TRIM47: variants seen among roughly 807,000 people sequenced by gnomAD.
TRIM47 encodes tripartite motif containing 47.
TRIM47 carries 46 observed loss-of-function variants against 54.4 expected under a neutral mutation model. That is an observed-to-expected ratio of 0.84 (90% CI 0.67 to 1.08). The LOEUF (loss-of-function observed/expected upper bound fraction) is 1.08, where lower values mean the gene tolerates loss of function less well. TRIM47 is among the 50% of genes least tolerant of loss of function. TRIM47 has a pLI of 0.00. For missense variants in TRIM47, 825 were observed against 910.1 expected (o/e 0.91, Z 1.20); for synonymous variants, 392 against 410.2 (o/e 0.96, Z 0.54).
chr17:75,876,536 G>A (rs772641890), intron 2 of TRIM47, 44 bp from the exon 3 acceptor site: 21 of 1,532,132 alleles, frequency 1.4e-5, no homozygotes, highest in African/African-American at 8.2e-5. Flanking sequence ...GCAAAGAACC[G>A]TCCCGGACTG....
chr17:75,874,898 T>C lies in TRIM47; in HGVS notation c.1502A>G (p.Asp501Gly), dbSNP rs751473658. 3 of 1,613,920 alleles carry C rather than the reference T, an allele frequency of 1.9e-6. No individual in the cohort carries two copies. Among genetic ancestry groups the C allele is most frequent in the East Asian group, 4.5e-5 (2 of 44,868 alleles). ...GWVSMGVMAE[D>G]FSPQEPYDRG... The stretch of plus-strand genomic sequence containing the variant: ...GTCGTAGGGCTCTTGTGGGGAGAAG[T>C]CTTCGGCCATGACCCCCATGCTGAC... Residue 501 changes from aspartate to glycine, a missense_variant, in exon 6 of 6, where the codon GAC becomes GGC. Coordinates refer to ENST00000254816, the MANE Select transcript of TRIM47 (RefSeq NM_033452.3). The surrounding 1 kb of genome is among the most constrained non-coding windows in gnomAD (Gnocchi z 6.2).
chr17:75,876,469 C>T lies in TRIM47; in HGVS notation c.795G>A (p.Glu265=), dbSNP rs139600597. 1.2e-6 allele frequency: 2 copies of T among 1,608,480 alleles called. No homozygotes were observed. Among genetic ancestry groups the T allele is most frequent in the Non-Finnish European group, 1.7e-6 (2 of 1,179,196 alleles). The change falls in exon 3 of 6, where the codon GAG becomes GAA. Residue 265 remains glutamate, a synonymous_variant. Transcript: ENST00000254816. The stretch of plus-strand genomic sequence containing the variant: ...CATCTGCAAACAGCCGGCTCACCCT[C>T]TCCCGCTCTGCTACGGCTGCACTCT... ...LIKSAAVAER[E]RVSRLFADAA... is the part of the protein sequence containing the mutation.
intron 3 of TRIM47, 47 bp from the exon 4 acceptor site, chr17:75,876,146 C>T: frequency 6.3e-7 from 1 of 1,587,104 alleles, no homozygotes; most frequent in Non-Finnish European, 8.5e-7. Context: ...CATGGCTCCT[C>T]CTTGCTGGGG....
In TRIM47 at chr17:75,877,965, G is replaced by A. The variant is rs1376504782; in HGVS notation, c.584C>T (p.Ala195Val). The change falls in exon 1 of 6, where the codon GCG becomes GTG. Residue 195 changes from alanine (A) to valine (V), a missense_variant. Physicochemically the swap from Ala to Val is moderately conservative, Grantham distance 64. Transcript: ENST00000254816. ...GGCCTCGCACAGACACACGCGCTCCGCGCGGCAGTAGCGCTCGAGCGGCCG... is the reference window on the plus strand; with the variant it reads ...GGCCTCGCACAGACACACGCGCTCCACGCGGCAGTAGCGCTCGAGCGGCCG... The part of the protein sequence containing the change: ...HLRPLERYCR[A>V]ERVCLCEACA... The A allele has an allele frequency of 5.5e-6, 8 of 1,457,758 alleles. No individual in the cohort carries two copies. The highest frequency in any genetic ancestry group is 1.5e-5 in the African/African-American group (1 of 67,916). The allele number at this position is 1,457,758 out of a possible 1,614,324, so 90.3% of individuals were successfully genotyped here.
rs2065148708 is a variant in TRIM47, at chr17:75,878,362, C to G, written c.187G>C (p.Asp63His). The G allele has an allele frequency of 7.3e-7, 1 of 1,362,044 alleles. No individual in the cohort carries two copies. Among genetic ancestry groups the G allele is most frequent in the Admixed American group, 3.2e-5 (1 of 31,738 alleles). 84.4% of individuals were successfully genotyped at this position (1,362,044 alleles called of 1,614,324 possible). A position where few individuals can be genotyped will look rare whatever the true frequency, so the allele number is the denominator to read the frequency against. ...TGGTTCTTGCGGAGCTGAAGGCCGTCGGGGAAGGGCTCCTGGCACAGCGGG... is the reference window on the plus strand; with the variant it reads ...TGGTTCTTGCGGAGCTGAAGGCCGTGGGGGAAGGGCTCCTGGCACAGCGGG... ...RCPLCQEPFP[D>H]GLQLRKNHTL... Residue 63 changes from aspartate to histidine, a missense_variant, in exon 1 of 6, where the codon GAC becomes CAC. Transcript: ENST00000254816.
In TRIM47 at chr17:75,878,543, G is replaced by C. The variant is rs1189441049; in HGVS notation, c.6C>G (p.Asp2Glu). 3.9e-6 allele frequency: 5 copies of C among 1,286,082 alleles called. No individual in the cohort carries two copies. The highest frequency in any genetic ancestry group is 5.9e-4 in the Middle Eastern group (2 of 3,374). The allele number at this position is 1,286,082 out of a possible 1,614,324, so 79.7% of individuals were successfully genotyped here. The change falls in exon 1 of 6, where the codon GAC (aspartate) becomes GAG (glutamate). Residue 2 changes from aspartate (D) to glutamate (E), a missense_variant. Asp to Glu is a conservative substitution (Grantham distance 45). Coordinates refer to ENST00000254816, the MANE Select transcript of TRIM47 (RefSeq NM_033452.3). ...TGGGGCAGCTGAAGGGTCCACTGCC[G>C]TCCATGACTCCGCGGCCGCCCAGGG... M[D>E]GSGPFSCPIC...
chr17:75,876,000 C>T lies in TRIM47; in HGVS notation c.1102G>A (p.Ala368Thr). ...GCCACGGCCAGCATGTCTCTCACTG[C>T]ACGGACAGCTTGGGATGATTTGGTG... Reference protein sequence around the residue: ...SFTKSSQAVRAVRDMLAVACV... With the variant: ...SFTKSSQAVRTVRDMLAVACV... The change falls in exon 4 of 6, where the codon GCA (alanine) becomes ACA (threonine). Residue 368 changes from alanine to threonine, a missense_variant. Ala to Thr is a moderately conservative substitution (Grantham distance 58). Coordinates refer to ENST00000254816, the MANE Select transcript of TRIM47 (RefSeq NM_033452.3). The surrounding 1 kb of genome is among the most constrained non-coding windows in gnomAD (Gnocchi z 6.1). 1 of 1,606,576 alleles carries T rather than the reference C, an allele frequency of 6.2e-7. No homozygotes were observed. Among genetic ancestry groups the T allele is most frequent in the Non-Finnish European group, 8.5e-7 (1 of 1,179,990 alleles).
In TRIM47 at chr17:75,875,516, C is replaced by T; in HGVS notation, c.1202-42G>A. ...AGTGGTGAGAACGCCCCCAGACTGC[C>T]CCCCTCTGAACCTGTGACTACAATC... On this transcript the variant is annotated intron_variant, in intron 4 of 5. Coordinates refer to ENST00000254816, the MANE Select transcript of TRIM47 (RefSeq NM_033452.3). This position sits in a 1 kb window ranked among gnomAD's most constrained non-coding sequence, Gnocchi z 6.1. 3 of 1,568,024 alleles carry T rather than the reference C, an allele frequency of 1.9e-6. No individual in the cohort carries two copies. The highest frequency in any genetic ancestry group is 2.6e-6 in the Non-Finnish European group (3 of 1,138,928).
chr17:75,878,231 G>C lies in TRIM47; in HGVS notation c.318C>G (p.Pro106=). 8.1e-7 allele frequency: 1 copy of C among 1,233,746 alleles called. No homozygotes were observed. The highest frequency in any genetic ancestry group is 1.0e-6 in the Non-Finnish European group (1 of 988,668). The allele number at this position is 1,233,746 out of a possible 1,614,324, so 76.4% of individuals were successfully genotyped here. Residue 106 remains proline (P), a synonymous_variant, in exon 1 of 6, where the codon CCC becomes CCG. Coordinates refer to ENST00000254816, the MANE Select transcript of TRIM47 (RefSeq NM_033452.3). ...AGGGGGCCGACGGCTCCGGGACACTGGGCAGCGCGCTGGGTGCCGAGGGCT... is the reference window on the plus strand; with the variant it reads ...AGGGGGCCGACGGCTCCGGGACACTCGGCAGCGCGCTGGGTGCCGAGGGCT... The part of the protein sequence containing the change: ...APEPSAPSAL[P]SVPEPSAPCA...
chr17:75,876,137 A>G (rs757102665), intron 3 of TRIM47, 38 bp from the exon 4 acceptor site: 2 of 1,590,186 alleles, frequency 1.3e-6, no homozygotes, highest in East Asian at 4.5e-5. Flanking sequence ...GCTGCTGGCC[A>G]TGGCTCCTCC....
Position 75,877,902 on chromosome 17 carries a change from G to C in TRIM47, c.647C>G (p.Pro216Arg), listed in dbSNP as rs898795847. The change falls in exon 1 of 6, where the codon CCG (proline) becomes CGG (arginine). Residue 216 changes from proline to arginine, a missense_variant. Physicochemically the swap from Pro to Arg is moderately radical, Grantham distance 103. Coordinates refer to ENST00000254816, the MANE Select transcript of TRIM47 (RefSeq NM_033452.3). ...CTGAAGCGCGCGCTCCTGCTCCAGC[G>C]GCACCAGCTCGTGGCCGCGGTGCTC... is the stretch of plus-strand genomic sequence containing the variant. ...AQEHRGHELV[P>R]LEQERALQEA... 1.4e-6 allele frequency: 2 copies of C among 1,417,944 alleles called. No individual in the cohort carries two copies. The highest frequency in any genetic ancestry group is 1.8e-6 in the Non-Finnish European group (2 of 1,088,706). The allele number at this position is 1,417,944 out of a possible 1,614,324, so 87.8% of individuals were successfully genotyped here. A position where few individuals can be genotyped will look rare whatever the true frequency, so the allele number is the denominator to read the frequency against.
rs2065132003 is a variant in TRIM47 at position 75,876,081 on chromosome 17, G to A, written c.1021C>T (p.Leu341=). Residue 341 remains leucine, a synonymous_variant, in exon 4 of 6, where the codon CTG becomes TTG. Transcript: ENST00000254816. ...SFLQELLALR[L]ALEDGCGPGP... Reference sequence around the variant, plus strand: ...GGGCCACACCCATCCTCCAGGGCCAGCCTTAGTGCCAGCAGCTCCTGTGCC... The same window carrying A: ...GGGCCACACCCATCCTCCAGGGCCAACCTTAGTGCCAGCAGCTCCTGTGCC... The A allele has an allele frequency of 6.2e-7, 1 of 1,601,064 alleles. No individual in the cohort carries two copies. Among genetic ancestry groups the A allele is most frequent in the Admixed American group, 1.7e-5 (1 of 60,010 alleles).
chr17:75,877,790 G>A, intron 1 of TRIM47, 84 bp downstream of exon 1: 1 of 1,270,000 alleles, frequency 7.9e-7, no homozygotes, highest in South Asian at 2.6e-5. Flanking sequence ...AACCCGGGAA[G>A]ACTGGGGGGT....
chr17:75,876,193 G>A (rs2065132691), intron 3 of TRIM47, 69 bp downstream of exon 3: 1 of 1,564,246 alleles, frequency 6.4e-7, no homozygotes, highest in African/African-American at 1.3e-5. Context: ...TGCACCCACT[G>A]CCTCCTCCTC....
rs777374029 is a variant in TRIM47 at position 75,874,658 on chromosome 17, C to T, written c.1742G>A (p.Arg581His). Reference protein sequence around the residue: ...LLRRLKASRPRRGGIPASPID... With the variant: ...LLRRLKASRPHRGGIPASPID... The stretch of plus-strand genomic sequence containing the variant: ...GGGGGAGGCCGGGATGCCACCCCGG[C>T]GGGGCCGGGAGGCCTTCAGCCTCCG... Residue 581 changes from arginine (R) to histidine (H), a missense_variant, in exon 6 of 6, where the codon CGC becomes CAC. Transcript: ENST00000254816. This position sits in a 1 kb window ranked among gnomAD's most constrained non-coding sequence, Gnocchi z 6.2. 4.9e-5 allele frequency: 78 copies of T among 1,593,700 alleles called. No homozygotes were observed. Among genetic ancestry groups the T allele is most frequent in the Admixed American group, 1.8e-4 (10 of 56,990 alleles).
At position 75,874,876 on chromosome 17, in the gene TRIM47, G is replaced by A. The variant is rs764817346; in HGVS notation, c.1524C>T (p.Tyr508=). The A allele has an allele frequency of 1.4e-5, 23 of 1,614,030 alleles. No homozygotes were observed. The highest frequency in any genetic ancestry group is 8.8e-5 in the South Asian group (8 of 91,088). ...CGTTGCGGCCCAGCCGGCCGCGGTCGTAGGGCTCTTGTGGGGAGAAGTCTT... is the reference window on the plus strand; with the variant it reads ...CGTTGCGGCCCAGCCGGCCGCGGTCATAGGGCTCTTGTGGGGAGAAGTCTT... ...MAEDFSPQEP[Y]DRGRLGRNAH... Residue 508 remains tyrosine (Y), a synonymous_variant, in exon 6 of 6, where the codon TAC becomes TAT. Coordinates refer to ENST00000254816, the MANE Select transcript of TRIM47 (RefSeq NM_033452.3). This position sits in a 1 kb window ranked among gnomAD's most constrained non-coding sequence, Gnocchi z 6.2.
Position 75,878,349 on chromosome 17 carries a change from A to G in TRIM47, c.200T>C (p.Leu67Pro). Residue 67 changes from leucine (L) to proline (P), a missense_variant, in exon 1 of 6, where the codon CTC becomes CCC. Leu to Pro is a moderately conservative substitution (Grantham distance 98). Transcript: ENST00000254816. Reference sequence around the variant, plus strand: ...CTCGGACAGCGTGTGGTTCTTGCGGAGCTGAAGGCCGTCGGGGAAGGGCTC... The same window carrying G: ...CTCGGACAGCGTGTGGTTCTTGCGGGGCTGAAGGCCGTCGGGGAAGGGCTC... ...CQEPFPDGLQLRKNHTLSELL... is the reference protein window; with the variant it reads ...CQEPFPDGLQPRKNHTLSELL... 7.4e-7 allele frequency: 1 copy of G among 1,345,332 alleles called. No individual in the cohort carries two copies. The highest frequency in any genetic ancestry group is 9.6e-7 in the Non-Finnish European group (1 of 1,041,982). 83.3% of individuals were successfully genotyped at this position (1,345,332 alleles called of 1,614,324 possible).
chr17:75,878,423 C>A lies in TRIM47; in HGVS notation c.126G>T (p.Ala42=). 6 of 1,430,210 alleles carry A rather than the reference C, an allele frequency of 4.2e-6. No homozygotes were observed. Among genetic ancestry groups the A allele is most frequent in the Non-Finnish European group, 4.6e-6 (5 of 1,083,310 alleles). The allele number at this position is 1,430,210 out of a possible 1,614,324, so 88.6% of individuals were successfully genotyped here. ...CGCCTCCGGGTCCGCCGGCTCCACT[C>A]GCGCCACGATGCGGCCAGAGCGCGC... ...CLGALWPHRG[A]SGAGGPGGAA... is the part of the protein sequence containing the mutation. Residue 42 remains alanine, a synonymous_variant, in exon 1 of 6, where the codon GCG becomes GCT. Coordinates refer to ENST00000254816, the MANE Select transcript of TRIM47 (RefSeq NM_033452.3).
rs2065119343 is a variant in TRIM47, at chr17:75,874,497, G to A, written c.1903C>T (p.Leu635=). 6.6e-7 allele frequency: 1 copy of A among 1,507,580 alleles called. No homozygotes were observed. Among genetic ancestry groups the A allele is most frequent in the Non-Finnish European group, 8.9e-7 (1 of 1,127,894 alleles). The allele number at this position is 1,507,580 out of a possible 1,614,324, so 93.4% of individuals were successfully genotyped here. The change falls in exon 6 of 6, where the codon CTG becomes TTG. Residue 635 remains leucine (L), a synonymous_variant. Transcript: ENST00000254816. This position sits in a 1 kb window ranked among gnomAD's most constrained non-coding sequence, Gnocchi z 6.2. ...CGTGCCCGGCATCACCTCCTCTTCAGCACGGATATGCAGGACTTCTTGAGG... is the reference window on the plus strand; with the variant it reads ...CGTGCCCGGCATCACCTCCTCTTCAACACGGATATGCAGGACTTCTTGAGG... ...GPLKKSCISV[L]KRR
Sources: allele counts gnomAD v4.1 joint callset, GRCh38; gene constraint gnomAD v4.1.1; non-coding constraint Gnocchi (gnomAD v3.1); transcripts MANE v1.5; gene names NCBI Gene and HGNC (gene_info 2026-07-23, HGNC 2026-07-21).